ARHGAP32: variants seen among roughly 807,000 people sequenced by gnomAD.
ARHGAP32 encodes the protein rho GTPase-activating protein 32.
Under a neutral mutation model 186.5 loss-of-function variants are expected in ARHGAP32, and 51 were observed. The ratio of observed to expected loss-of-function variants is 0.27; its 90% CI spans 0.22 to 0.35. The LOEUF (loss-of-function observed/expected upper bound fraction) is 0.35. ARHGAP32 is among the 10% of genes least tolerant of loss of function. The probability of loss-of-function intolerance (pLI) is 1.00; values close to 1 mark genes in which losing one functional copy is unlikely to be tolerated. For missense variants in ARHGAP32, 2,186 were observed against 2,623.5 expected (o/e 0.83, Z 3.64); for synonymous variants, 950 against 964.3 (o/e 0.99, Z 0.27).
At chr11:129,244,778 A>C (rs1237926178) in intron 1 of ARHGAP32, among the ~76,000 whole-genome samples, 2 of 152,230 alleles carry the variant, frequency 1.3e-5, no homozygotes, top group African/African-American at 4.8e-5. Flanking sequence ...CCCATCAAAA[A>C]GTGGGCAAAG....
chr11:129,005,128 A>C (rs922198982), intron 11 of ARHGAP32, among the ~76,000 whole-genome samples: 5 of 152,156 alleles, frequency 3.3e-5, no homozygotes, highest in Non-Finnish European at 7.4e-5. Flanking sequence ...TTGCATAGAT[A>C]AACAAGCAAA....
chr11:129,193,711 T>TATATATC (rs1250083556), upstream of ARHGAP32, among the ~76,000 whole-genome samples: 1 of 40,682 alleles, frequency 2.5e-5, no homozygotes, highest in African/African-American at 8.3e-5. Flanking sequence ...TAATATATAT[T>TATATATC]ATATATTATA....
chr11:129,190,477 T>C (rs890105940), intron 1 of ARHGAP32, among the ~76,000 whole-genome samples: 9 of 152,228 alleles, frequency 5.9e-5, no homozygotes, highest in East Asian at 1.9e-4. Flanking sequence ...TATGGTATCA[T>C]AGTTTCCTTA....
At chr11:128,990,149 G>A (rs571963964) in intron 12 of ARHGAP32, among the ~76,000 whole-genome samples, 2 of 152,078 alleles carry the variant, frequency 1.3e-5, no homozygotes, top group South Asian at 2.1e-4. Flanking sequence ...CTCCCATAAC[G>A]CTCTTCGTAT....
chr11:128,973,964 T>C, intron 21 of ARHGAP32, 160 bp downstream of exon 21: 1 of 848,858 alleles, frequency 1.2e-6, no homozygotes, highest in Non-Finnish European at 1.8e-6. Context: ...GTTGGACTGC[T>C]TTTAATTTAG....
At chr11:129,046,527 G>T (rs989970032) in intron 10 of ARHGAP32, among the ~76,000 whole-genome samples, 1 of 152,090 alleles carries the variant, frequency 6.6e-6, no homozygotes, top group African/African-American at 2.4e-5. Flanking sequence ...AGGAGAACCA[G>T]GAGAGATGTA....
chr11:129,181,163 C>A (rs1054422233), intron 1 of ARHGAP32, among the ~76,000 whole-genome samples: 4 of 152,026 alleles, frequency 2.6e-5, no homozygotes, highest in African/African-American at 9.7e-5. Flanking sequence ...TTGTTTATTT[C>A]TTATTCTTCG....
chr11:129,238,381 A>G (rs1160079085), intron 1 of ARHGAP32, among the ~76,000 whole-genome samples: 4 of 152,098 alleles, frequency 2.6e-5, no homozygotes, highest in Admixed American at 1.3e-4. Context: ...CCAGTCAGAG[A>G]AAAATGTTGC....
chr11:129,000,390 C>T (rs1433673058), intron 11 of ARHGAP32, among the ~76,000 whole-genome samples: 1 of 152,108 alleles, frequency 6.6e-6, no homozygotes, highest in Non-Finnish European at 1.5e-5. Context: ...CAAAGATTAG[C>T]TGTTAGATAG....
At chr11:129,124,527 T>C (rs74391470) in intron 3 of ARHGAP32, among the ~76,000 whole-genome samples, 1,628 of 152,216 alleles carry the variant, frequency 0.011, 31 homozygotes, top group African/African-American at 0.037. Context: ...GCACTAAGGG[T>C]ACCAAGAATG....
At chr11:129,086,517 A>G (rs10893972) in intron 6 of ARHGAP32, among the ~76,000 whole-genome samples, 29,737 of 152,112 alleles carry the variant, frequency 0.2, 3,101 homozygotes, top group Non-Finnish European at 0.23. Flanking sequence ...TCGACAGAAA[A>G]TATTTGCAAA....
intron 10 of ARHGAP32, among the ~76,000 whole-genome samples, chr11:129,042,638 G>A (rs1379593375): frequency 6.6e-6 from 1 of 152,128 alleles, no homozygotes; most frequent in African/African-American, 2.4e-5. Flanking sequence ...CTCCATAAAA[G>A]GGTTTGGAAA....
intron 10 of ARHGAP32, among the ~76,000 whole-genome samples, chr11:129,042,094 G>T (rs1266327188): frequency 1.3e-5 from 2 of 152,152 alleles, no homozygotes. Context: ...TGTTAAAATT[G>T]TGAAGATATA....
At chr11:128,981,608 T>C (rs779859252) in intron 16 of ARHGAP32, 47 bp from the exon 17 acceptor site, 2 of 1,556,288 alleles carry the variant, frequency 1.3e-6, no homozygotes. Context: ...ATAGCAGTCG[T>C]CAAGGGCCTC....
chr11:129,129,049 CTGGGA>C (rs1410062237), intron 2 of ARHGAP32, among the ~76,000 whole-genome samples: 1 of 151,844 alleles, frequency 6.6e-6, no homozygotes, highest in Non-Finnish European at 1.5e-5. Flanking sequence ...CGCCCATCGT[CTGGGA>C]TGTGGGGAGC....
chr11:129,027,724 T>A (rs1938923414), intron 11 of ARHGAP32, among the ~76,000 whole-genome samples: 1 of 152,208 alleles, frequency 6.6e-6, no homozygotes, highest in South Asian at 2.1e-4. Flanking sequence ...CTTCTCAGCA[T>A]TTCCTAGTCT....
At chr11:129,028,805 G>A (rs1938974397) in intron 11 of ARHGAP32, among the ~76,000 whole-genome samples, 1 of 152,128 alleles carries the variant, frequency 6.6e-6, no homozygotes, top group Admixed American at 6.5e-5. Context: ...GTGGATTCTG[G>A]CCTGAGTCTT....
intron 2 of ARHGAP32, among the ~76,000 whole-genome samples, chr11:129,125,490 A>G (rs939777239): frequency 2.0e-5 from 3 of 152,106 alleles, no homozygotes; most frequent in African/African-American, 7.2e-5. Flanking sequence ...TTTTAAAAAT[A>G]AATTTGTGCT....
chr11:129,218,418 T>C (rs1370036202), intron 1 of ARHGAP32, among the ~76,000 whole-genome samples: 1 of 149,350 alleles, frequency 6.7e-6, no homozygotes, highest in Non-Finnish European at 1.5e-5. Context: ...CCCTACACCT[T>C]CAATGCATTC....
Sources: gnomAD v4.1 joint callset for allele counts (sites outside exome capture counted in the v4.1 genomes callset) on GRCh38, gnomAD v4.1.1 for gene constraint, MANE v1.5 for transcripts, NCBI Gene and HGNC (gene_info 2026-07-23, HGNC 2026-07-21) for gene names.